GRIA3: variants seen among roughly 807,000 people sequenced by gnomAD.
GRIA3 encodes glutamate ionotropic receptor AMPA type subunit 3.
A neutral mutation model predicts 63.0 loss-of-function variants in GRIA3; 3 were observed. The observed-to-expected ratio is 0.05, with a 90% CI of 0.02 to 0.12. GRIA3 has a LOEUF of 0.12. Among genes scored for constraint, GRIA3 ranks in the 10% least tolerant of loss-of-function variants. The pLI, the probability that GRIA3 is intolerant of heterozygous loss-of-function variation, is 1.00. For missense variants in GRIA3, 347 were observed against 700.9 expected (o/e 0.50, Z 5.70); for synonymous variants, 274 against 257.9 (o/e 1.06, Z -0.60).
chrX:123,236,845 T>C (rs1267762789), intron 2 of GRIA3, among the ~76,000 whole-genome samples: 3 of 111,796 alleles, frequency 2.7e-5, no homozygotes. Context: ...ATGAGCCAAA[T>C]TATACTGAGT....
intron 11 of GRIA3, among the ~76,000 whole-genome samples, chrX:123,420,933 C>A (rs766518841): frequency 3.6e-5 from 4 of 110,674 alleles, no homozygotes; most frequent in Non-Finnish European, 7.6e-5. Flanking sequence ...TTACCATGAC[C>A]CACAGTAAGA....
intron 3 of GRIA3, among the ~76,000 whole-genome samples, chrX:123,254,146 GTTTTGT>G (rs982221307): frequency 6.3e-5 from 7 of 111,186 alleles, no homozygotes; most frequent in African/African-American, 2.3e-4. Context: ...TTTGTTTTTG[GTTTTGT>G]TTTTGTTTTT....
At chrX:123,469,596 T>C (rs1490586032) in intron 13 of GRIA3, among the ~76,000 whole-genome samples, 1 of 111,863 alleles carries the variant, frequency 8.9e-6, no homozygotes, top group Non-Finnish European at 1.9e-5. Flanking sequence ...GCAAGGATCA[T>C]GTAAATTAGA....
At chrX:123,399,322 A>C (rs1429473559) in intron 7 of GRIA3, among the ~76,000 whole-genome samples, 1 of 112,161 alleles carries the variant, frequency 8.9e-6, no homozygotes, top group East Asian at 2.8e-4. Context: ...ATGCTATTCT[A>C]CAGGATGAAA....
At chrX:123,194,227 G>A (rs1927516139) in intron 2 of GRIA3, among the ~76,000 whole-genome samples, 1 of 110,497 alleles carries the variant, frequency 9.1e-6, no homozygotes, top group South Asian at 3.9e-4. Context: ...TTGTGATGAG[G>A]TATGGTGAGA....
intron 5 of GRIA3, among the ~76,000 whole-genome samples, chrX:123,382,623 G>C (rs1277243652): frequency 9.0e-6 from 1 of 111,353 alleles, no homozygotes; most frequent in Non-Finnish European, 1.9e-5. Context: ...AGCTTCCTGG[G>C]AGCAAGGGGT....
intron 2 of GRIA3, among the ~76,000 whole-genome samples, chrX:123,198,841 A>G (rs4825838): frequency 0.29 from 32,586 of 110,714 alleles, 3,820 homozygotes; most frequent in Admixed American, 0.39. Context: ...TGCTGGCTCA[A>G]AGGAAAGAAT....
At chrX:123,230,437 T>C (rs183711742) in intron 2 of GRIA3, among the ~76,000 whole-genome samples, 87 of 111,380 alleles carry the variant, frequency 7.8e-4, no homozygotes, top group African/African-American at 2.7e-3. Context: ...GATCCACATA[T>C]ATTTTCACTT....
At chrX:123,191,059 C>T (rs5909973) in intron 2 of GRIA3, among the ~76,000 whole-genome samples, 1 of 111,014 alleles carries the variant, frequency 9.0e-6, no homozygotes, top group Non-Finnish European at 1.9e-5. Flanking sequence ...GAATTTTAGA[C>T]GATAGAATTC....
chrX:123,250,389 A>G (rs1189007319), intron 2 of GRIA3, among the ~76,000 whole-genome samples: 2 of 112,387 alleles, frequency 1.8e-5, no homozygotes. Flanking sequence ...TTTTTAATCA[A>G]CCAGAACCTC....
intron 5 of GRIA3, among the ~76,000 whole-genome samples, chrX:123,365,143 T>G (rs766701634): frequency 1.9e-4 from 21 of 112,118 alleles, no homozygotes; most frequent in African/African-American, 6.5e-4. Flanking sequence ...AGCAAGGTGA[T>G]GGATATGTGA....
intron 10 of GRIA3, among the ~76,000 whole-genome samples, chrX:123,414,385 G>C (rs2045523889): frequency 8.9e-6 from 1 of 112,166 alleles, no homozygotes; most frequent in South Asian, 3.8e-4. Context: ...TACATCTGGG[G>C]TGGAGCCCGA....
chrX:123,360,861 A>T (rs1171733309), intron 5 of GRIA3, among the ~76,000 whole-genome samples: 1,532 of 18,197 alleles, frequency 0.084, 23 homozygotes, highest in Middle Eastern at 0.21. Flanking sequence ...TCTCTCACAC[A>T]CACACACACA....
chrX:123,463,825 G>GAGAA (rs771257914), intron 12 of GRIA3, among the ~76,000 whole-genome samples: 18 of 109,223 alleles, frequency 1.6e-4, no homozygotes, highest in South Asian at 1.6e-3. Flanking sequence ...GAAAAAGAAA[G>GAGAA]AGAAAGAAAG....
At chrX:123,437,876 G>C (rs1196927293) in intron 12 of GRIA3, among the ~76,000 whole-genome samples, 3 of 111,708 alleles carry the variant, frequency 2.7e-5, no homozygotes, top group Middle Eastern at 9.3e-3. Context: ...GAAGATTGCC[G>C]TTGTTATAAC....
chrX:123,342,444 T>C (rs1489312119), intron 4 of GRIA3, among the ~76,000 whole-genome samples: 5 of 112,128 alleles, frequency 4.5e-5, no homozygotes, highest in African/African-American at 1.6e-4. Context: ...GACTTTTAAT[T>C]AACTAGCTAA....
intron 12 of GRIA3, among the ~76,000 whole-genome samples, chrX:123,441,821 AACAC>A (rs34401132): frequency 3.0e-4 from 31 of 104,836 alleles, no homozygotes; most frequent in South Asian, 4.4e-4. Flanking sequence ...CCTTCCTCTG[AACAC>A]ACACACACAC....
At chrX:123,481,103 C>T (rs2045910637) in intron 14 of GRIA3, among the ~76,000 whole-genome samples, 1 of 111,761 alleles carries the variant, frequency 8.9e-6, no homozygotes, top group Non-Finnish European at 1.9e-5. Context: ...ATACATGGAA[C>T]TTGAAACTGT....
At chrX:123,338,680 A>G (rs1172934963) in intron 4 of GRIA3, among the ~76,000 whole-genome samples, 1 of 111,479 alleles carries the variant, frequency 9.0e-6, no homozygotes, top group Non-Finnish European at 1.9e-5. Context: ...CCTCCCGAGT[A>G]GCTGGGATTA....
Sources: allele counts gnomAD v4.1 joint callset (sites outside exome capture counted in the v4.1 genomes callset), GRCh38; gene constraint gnomAD v4.1.1; transcripts MANE v1.5; gene names NCBI Gene and HGNC (gene_info 2026-07-23, HGNC 2026-07-21).